HLCS: variants seen among roughly 807,000 people sequenced by gnomAD.
HLCS encodes holocarboxylase synthetase, also known as biotin--protein ligase.
A neutral mutation model predicts 75.0 loss-of-function variants in HLCS; 53 were observed. The observed-to-expected ratio is 0.71, with a 90% confidence interval of 0.57 to 0.89. The LOEUF is 0.89. HLCS is among the 40% of genes least tolerant of loss of function. HLCS has a pLI of 0.00. For synonymous variants in HLCS, 431 were observed against 428.6 expected, an observed-to-expected ratio of 1.01 and a Z score of -0.07; for missense variants, 966 against 1,074.0, an observed-to-expected ratio of 0.90 and a Z score of 1.41.
chr21:36,905,060 G>A (rs1027939105), intron 5 of HLCS, among the ~76,000 whole-genome samples: 4 of 152,126 alleles, frequency 2.6e-5, no homozygotes, highest in African/African-American at 4.8e-5. Context: ...ACAAACTTTC[G>A]TAAACCCTTA....
chr21:36,802,357 G>A (rs1444162732), intron 6 of HLCS, among the ~76,000 whole-genome samples: 1 of 152,226 alleles, frequency 6.6e-6, no homozygotes, highest in Non-Finnish European at 1.5e-5. Flanking sequence ...ACTGAAAGGG[G>A]ACTATGCGCC....
intron 2 of HLCS, among the ~76,000 whole-genome samples, chr21:36,952,646 C>G (rs1601856991): frequency 1.3e-5 from 2 of 152,014 alleles, no homozygotes; most frequent in Admixed American, 1.3e-4. Context: ...AAAAAATTAG[C>G]TGGTTGTGGT....
chr21:36,928,462 C>T (rs892685386), intron 5 of HLCS, among the ~76,000 whole-genome samples: 3 of 152,018 alleles, frequency 2.0e-5, no homozygotes, highest in Non-Finnish European at 2.9e-5. Context: ...CCCAGCTACT[C>T]GGGGGGCTGA....
chr21:36,798,334 T>C (rs575948857), intron 6 of HLCS, among the ~76,000 whole-genome samples: 10 of 152,360 alleles, frequency 6.6e-5, no homozygotes, highest in African/African-American at 2.4e-4. Context: ...TCACACAAAT[T>C]AATATTTTGT....
chr21:36,941,946 G>A (rs1373795216), intron 2 of HLCS, among the ~76,000 whole-genome samples: 1 of 152,110 alleles, frequency 6.6e-6, no homozygotes, highest in Non-Finnish European at 1.5e-5. Flanking sequence ...GGCAGAGGTT[G>A]CAGTGAGCCG....
chr21:36,868,237 GAGA>G (rs1234412635), intron 6 of HLCS, among the ~76,000 whole-genome samples: 4 of 125,564 alleles, frequency 3.2e-5, no homozygotes, highest in Non-Finnish European at 4.6e-5. Flanking sequence ...GAAAGAGAAA[GAGA>G]AAGAAAGAAA....
At chr21:36,920,151 G>A (rs2066100960) in intron 5 of HLCS, among the ~76,000 whole-genome samples, 1 of 152,078 alleles carries the variant, frequency 6.6e-6, no homozygotes, top group Non-Finnish European at 1.5e-5. Flanking sequence ...TGGGCAAAAA[G>A]TAAGACTCCA....
At chr21:36,894,211 C>G (rs1198669779) in intron 6 of HLCS, among the ~76,000 whole-genome samples, 1 of 152,200 alleles carries the variant, frequency 6.6e-6, no homozygotes, top group Non-Finnish European at 1.5e-5. Context: ...TTGTAAGTTT[C>G]CTGCGGCCTC....
intron 6 of HLCS, among the ~76,000 whole-genome samples, chr21:36,870,943 C>T (rs2063748323): frequency 6.6e-6 from 1 of 152,166 alleles, no homozygotes; most frequent in South Asian, 2.1e-4. Flanking sequence ...TAGAGAGGCT[C>T]TTTTGAGCAA....
rs2066948179 is a variant in HLCS, at chr21:36,937,454, C to T, written c.494-62G>A. 3.6e-6 allele frequency: 5 copies of T among 1,375,740 alleles called. No individual in the cohort carries two copies. In the Admixed American group the frequency reaches 7.1e-5, roughly 20 times the overall value. The allele number at this position is 1,375,740 out of a possible 1,614,324, so 85.2% of individuals were successfully genotyped here. On this transcript the variant is annotated intron_variant, in intron 3 of 10. Transcript: ENST00000674895. ...TCAACACTTCTTGTATGACACATAG[C>T]TCATCTCAAGAATCTCATCACCCTC... is the stretch of plus-strand genomic sequence containing the variant.
At chr21:36,974,307 A>G (rs1251301461) in intron 1 of HLCS, 1 of 152,430 alleles carries the variant, frequency 6.6e-6, no homozygotes, top group Non-Finnish European at 1.5e-5. Flanking sequence ...GCCCCACGGC[A>G]GAAGAGCCTC....
chr21:36,754,712 T>A (rs1288653034), intron 10 of HLCS, among the ~76,000 whole-genome samples: 17 of 152,210 alleles, frequency 1.1e-4, no homozygotes, highest in Non-Finnish European at 1.5e-4. Flanking sequence ...AACCACTTCC[T>A]CACCTCCCAG....
intron 6 of HLCS, among the ~76,000 whole-genome samples, chr21:36,858,035 G>A (rs556251235): frequency 3.8e-4 from 58 of 152,058 alleles, no homozygotes; most frequent in Non-Finnish European, 7.8e-4. Context: ...TGATCCACCC[G>A]CCTCAACCTC....
At chr21:36,796,007 A>AAGC (rs1414269672) in intron 6 of HLCS, among the ~76,000 whole-genome samples, 1 of 152,258 alleles carries the variant, frequency 6.6e-6, no homozygotes, top group Non-Finnish European at 1.5e-5. Context: ...TTAGTAAACC[A>AAGC]AGCACACCTG....
intron 6 of HLCS, among the ~76,000 whole-genome samples, chr21:36,874,438 T>A (rs2063889447): frequency 6.6e-6 from 1 of 151,232 alleles, no homozygotes; most frequent in African/African-American, 2.4e-5. Flanking sequence ...ATAAAATAAA[T>A]AAATTAAAAA....
intron 5 of HLCS, among the ~76,000 whole-genome samples, chr21:36,926,891 C>T (rs571082780): frequency 2.0e-5 from 3 of 151,930 alleles, no homozygotes; most frequent in Admixed American, 6.5e-5. Flanking sequence ...TACAGGTATG[C>T]GCCACCATGC....
At chr21:36,801,083 T>C (rs749793470) in intron 6 of HLCS, among the ~76,000 whole-genome samples, 2 of 152,178 alleles carry the variant, frequency 1.3e-5, no homozygotes, top group Non-Finnish European at 2.9e-5. Context: ...GCTGATGACA[T>C]GGGACATGCC....
At chr21:36,955,503 C>T (rs2067891704) in intron 2 of HLCS, among the ~76,000 whole-genome samples, 1 of 149,204 alleles carries the variant, frequency 6.7e-6, no homozygotes, top group African/African-American at 2.5e-5. Context: ...TATATAAAAT[C>T]TTAGAAAAAA....
rs1244432443 is a variant in HLCS at position 36,936,577 on chromosome 21, T to C, written c.1309A>G (p.Arg437Gly). Residue 437 changes from arginine to glycine, a missense_variant, in exon 4 of 11, where the codon AGG (arginine) becomes GGG (glycine). Physicochemically the swap from Arg to Gly is moderately radical, Grantham distance 125 (BLOSUM62 -2). Coordinates refer to ENST00000674895, the MANE Select transcript of HLCS (RefSeq NM_001352514.2). ...VKLSVLSSGC[R>G]YQEGPVRLSP... is the part of the protein sequence containing the mutation. ...AGCCGGACGGGGCCTTCCTGGTACC[T>C]GCAGCCACTGCTCAAGACGCTGAGC... is the stretch of plus-strand genomic sequence containing the variant. 2 of 1,614,220 alleles carry C rather than the reference T, an allele frequency of 1.2e-6. No homozygotes were observed. Among genetic ancestry groups the C allele is most frequent in the Non-Finnish European group, 1.7e-6 (2 of 1,180,026 alleles).
Sources: gnomAD v4.1 joint callset for allele counts (sites outside exome capture counted in the v4.1 genomes callset) on GRCh38, gnomAD v4.1.1 for gene constraint, MANE v1.5 for transcripts, NCBI Gene and HGNC (gene_info 2026-07-23, HGNC 2026-07-21) for gene names.